ROS1: variants seen among roughly 807,000 people sequenced by gnomAD.
The protein encoded by ROS1 is ROS proto-oncogene 1, receptor tyrosine kinase, also known as proto-oncogene tyrosine-protein kinase ROS.
ROS1 carries 263 observed loss-of-function variants against 273.5 expected under a neutral mutation model. That is an observed-to-expected ratio of 0.96 (90% CI 0.87 to 1.06). The LOEUF is 1.06. ROS1 is among the 50% of genes least tolerant of loss of function. The probability of loss-of-function intolerance (pLI) is 0.00; values close to 1 mark genes in which losing one functional copy is unlikely to be tolerated. For synonymous variants in ROS1, 1,008 were observed against 954.1 expected (o/e 1.06, Z -1.04); for missense variants, 2,833 against 2,751.1 (o/e 1.03, Z -0.67).
chr6:117,389,908 C>T, intron 12 of ROS1, 62 bp from the exon 13 acceptor site: 1 of 1,405,882 alleles, frequency 7.1e-7, no homozygotes. Flanking sequence ...GTAACCTCCT[C>T]AGCTAATTGC....
chr6:117,344,222 T>A lies in ROS1; in HGVS notation c.4344A>T (p.Pro1448=). ...FLSLASDTVE[P]TILNATNTSL... ...TAGTGTTAGTGGCATTAAGTATAGT[T>A]GGTTCCACAGTGTCTGAAGCTAGAG... The change falls in exon 28 of 44, where the codon CCA becomes CCT. Residue 1448 remains proline, a synonymous_variant. Coordinates refer to ENST00000368507, the MANE Select transcript of ROS1 (RefSeq NM_001378902.1). The A allele has an allele frequency of 2.5e-6, 4 of 1,614,062 alleles. No individual in the cohort carries two copies. The highest frequency in any genetic ancestry group is 3.4e-6 in the Non-Finnish European group (4 of 1,179,968).
chr6:117,362,557 A>C, intron 22 of ROS1, 46 bp downstream of exon 22: 1 of 1,562,866 alleles, frequency 6.4e-7, no homozygotes, highest in Non-Finnish European at 8.7e-7. Context: ...CTCTCCCCAC[A>C]ATGCCGCTAT....
In ROS1 at chr6:117,404,429, C is replaced by T. The variant is rs866402042; in HGVS notation, c.317-1G>A. The T allele has an allele frequency of 6.2e-7, 1 of 1,611,194 alleles. No homozygotes were observed. On this transcript the variant is annotated splice_acceptor_variant, in intron 5 of 43. Transcript: ENST00000368507. LOFTEE classifies it high-confidence loss of function. Reference sequence around the variant, plus strand: ...GGAGCAGTTGGTAGGTCTGCATTTTCTGGGGAAAAAACAAGATTTCACTCA... The same window carrying T: ...GGAGCAGTTGGTAGGTCTGCATTTTTTGGGGAAAAAACAAGATTTCACTCA...
chr6:117,323,889 C>A (rs1776454889), intron 35 of ROS1, among the ~76,000 whole-genome samples: 1 of 152,146 alleles, frequency 6.6e-6, no homozygotes, highest in African/African-American at 2.4e-5. Context: ...TCATTCCAAA[C>A]CAGCCTGTCT....
At chr6:117,385,174 T>C (rs955503450) in intron 16 of ROS1, among the ~76,000 whole-genome samples, 1 of 152,246 alleles carries the variant, frequency 6.6e-6, no homozygotes, top group Non-Finnish European at 1.5e-5. Flanking sequence ...AGCATTTTCA[T>C]GTATTTATTT....
intron 27 of ROS1, among the ~76,000 whole-genome samples, chr6:117,349,963 C>A (rs1436882806): frequency 1.3e-5 from 2 of 151,924 alleles, no homozygotes; most frequent in African/African-American, 4.8e-5. Flanking sequence ...CACATACATA[C>A]ATAAGTGGAT....
chr6:117,303,217 A>G (rs1185505443), intron 42 of ROS1, among the ~76,000 whole-genome samples: 2 of 152,156 alleles, frequency 1.3e-5, no homozygotes, highest in African/African-American at 4.8e-5. Flanking sequence ...GATCAGGGAG[A>G]GAGAACTGAT....
intron 17 of ROS1, among the ~76,000 whole-genome samples, chr6:117,381,031 G>C (rs1772085630): frequency 6.6e-6 from 1 of 152,036 alleles, no homozygotes; most frequent in Admixed American, 6.6e-5. Context: ...GAGAGATGAA[G>C]AGCTTTGCTG....
intron 29 of ROS1, 103 bp downstream of exon 29, chr6:117,342,297 T>A: frequency 8.5e-7 from 1 of 1,170,420 alleles, no homozygotes; most frequent in East Asian, 2.5e-5. Context: ...AAAAGCTTAC[T>A]AAAATTACTT....
chr6:117,379,656 T>A (rs954374887), intron 17 of ROS1, among the ~76,000 whole-genome samples: 8 of 152,148 alleles, frequency 5.3e-5, no homozygotes, highest in African/African-American at 1.7e-4. Context: ...TGGAGTTTTT[T>A]AAAAATCTCA....
chr6:117,341,091 A>G, intron 31 of ROS1, 44 bp downstream of exon 31: 2 of 1,340,472 alleles, frequency 1.5e-6, no homozygotes, highest in Non-Finnish European at 2.1e-6. Flanking sequence ...GCCCTTTCCA[A>G]TTTATTCTAT....
intron 27 of ROS1, among the ~76,000 whole-genome samples, chr6:117,350,020 C>G (rs1228226945): frequency 6.6e-6 from 1 of 151,840 alleles, no homozygotes; most frequent in Non-Finnish European, 1.5e-5. Context: ...AAACTATTAT[C>G]CATTAGGTCA....
intron 27 of ROS1, among the ~76,000 whole-genome samples, chr6:117,346,651 G>A (rs549289956): frequency 4.6e-5 from 7 of 151,954 alleles, no homozygotes; most frequent in South Asian, 2.1e-4. Flanking sequence ...AGATTTCCCA[G>A]ATACTCCTTT....
rs1304088293 is a variant in ROS1, at chr6:117,288,787, A to G, written c.6731T>C (p.Val2244Ala). Residue 2244 changes from valine to alanine, a missense_variant, in exon 44 of 44, where the codon GTG becomes GCG. Physicochemically the swap from Val to Ala is moderately conservative, Grantham distance 64. Transcript: ENST00000368507. ...AATGTCATCTGAATTCAAACAAATC[A>G]CATCGCCATCTTCACCTGTGAAAAA... is the stretch of plus-strand genomic sequence containing the variant. Reference protein sequence around the residue: ...NESFEGEDGDVICLNSDDIMP... With the variant: ...NESFEGEDGDAICLNSDDIMP... 4 of 1,599,102 alleles carry G rather than the reference A, an allele frequency of 2.5e-6. No individual in the cohort carries two copies. The highest frequency in any genetic ancestry group is 3.4e-6 in the Non-Finnish European group (4 of 1,173,130).
At chr6:117,409,733 A>G in intron 4 of ROS1, 91 bp from the exon 5 acceptor site, 1 of 901,894 alleles carries the variant, frequency 1.1e-6, no homozygotes, top group Admixed American at 1.8e-5. Flanking sequence ...CGAATGCCTA[A>G]TATGCAAGTA....
intron 31 of ROS1, among the ~76,000 whole-genome samples, chr6:117,338,409 C>T (rs1777635746): frequency 1.3e-5 from 2 of 152,066 alleles, no homozygotes; most frequent in East Asian, 3.9e-4. Flanking sequence ...ATGTCAGGGA[C>T]ATTGCCTGCA....
chr6:117,317,188 C>T lies in ROS1; in HGVS notation c.6072G>A (p.Glu2024=), dbSNP rs575209344. The T allele has an allele frequency of 2.0e-5, 32 of 1,613,430 alleles. No individual in the cohort carries two copies. In the South Asian group the frequency reaches 3.4e-4, roughly 17 times the overall value. ...EPQYIILELM[E]GGDLLTYLRK... Reference sequence around the variant, plus strand: ...GCAAATAAGTAAGAAGGTCTCCTCCCTCCATCAGTTCCAGGATAATGTATT... The same window carrying T: ...GCAAATAAGTAAGAAGGTCTCCTCCTTCCATCAGTTCCAGGATAATGTATT... Residue 2024 remains glutamate (E), a synonymous_variant, in exon 39 of 44, where the codon GAG becomes GAA. Transcript: ENST00000368507.
At chr6:117,399,692 T>G (rs1773793095) in intron 7 of ROS1, among the ~76,000 whole-genome samples, 1 of 152,236 alleles carries the variant, frequency 6.6e-6, no homozygotes, top group African/African-American at 2.4e-5. Context: ...AGCATTCGCC[T>G]TCCTCTAAGG....
intron 36 of ROS1, among the ~76,000 whole-genome samples, 179 bp from the exon 37 acceptor site, chr6:117,320,209 A>G (rs1246207589): frequency 6.6e-6 from 1 of 152,108 alleles, no homozygotes; most frequent in Non-Finnish European, 1.5e-5. Flanking sequence ...TTACTTTACT[A>G]TTCTACAACC....
Sources: gnomAD v4.1 joint callset for allele counts (sites outside exome capture counted in the v4.1 genomes callset) on GRCh38, gnomAD v4.1.1 for gene constraint, MANE v1.5 for transcripts, NCBI Gene and HGNC (gene_info 2026-07-23, HGNC 2026-07-21) for gene names.